Variants in NIPAL2 observed in about 807,000 individuals in gnomAD.
NIPAL2 encodes the protein NIPA-like protein 2.
In NIPAL2, 43 loss-of-function variants were observed where a neutral mutation model predicts 48.9. The observed-to-expected ratio is 0.88, with a 90% CI of 0.69 to 1.13. NIPAL2 has a LOEUF of 1.13. NIPAL2 is among the 50% of genes most tolerant of loss of function. The pLI, the probability that NIPAL2 is intolerant of heterozygous loss-of-function variation, is 0.00. For synonymous variants in NIPAL2, 167 were observed against 174.6 expected (o/e 0.96, Z 0.34); for missense variants, 446 against 461.4 (o/e 0.97, Z 0.31).
At chr8:98,234,158 G>A (rs1332478635) in intron 4 of NIPAL2, among the ~76,000 whole-genome samples, 1 of 152,202 alleles carries the variant, frequency 6.6e-6, no homozygotes, top group African/African-American at 2.4e-5. Flanking sequence ...CCCCTACAAT[G>A]AAGAATGATC....
intron 1 of NIPAL2, among the ~76,000 whole-genome samples, chr8:98,262,499 C>G (rs1176022397): frequency 6.6e-6 from 1 of 151,934 alleles, no homozygotes; most frequent in African/African-American, 2.4e-5. Flanking sequence ...ATAAAACAGA[C>G]ATTAAACCAA....
intron 5 of NIPAL2, 58 bp from the exon 6 acceptor site, chr8:98,212,559 C>A: frequency 1.2e-6 from 1 of 853,844 alleles, no homozygotes; most frequent in Non-Finnish European, 1.9e-6. Flanking sequence ...TTCAAAATGT[C>A]ACACTTCTCA....
At chr8:98,194,223 G>A (rs1288777292) in intron 10 of NIPAL2, among the ~76,000 whole-genome samples, 1 of 152,202 alleles carries the variant, frequency 6.6e-6, no homozygotes. Flanking sequence ...TTCTCAGTGA[G>A]AGTGAGAACG....
At chr8:98,237,479 T>C (rs974602309) in intron 3 of NIPAL2, among the ~76,000 whole-genome samples, 5 of 151,910 alleles carry the variant, frequency 3.3e-5, no homozygotes, top group African/African-American at 1.2e-4. Flanking sequence ...TTCCCCCTTT[T>C]CCCCTTTCCC....
intron 6 of NIPAL2, among the ~76,000 whole-genome samples, chr8:98,211,851 A>G (rs1811339028): frequency 6.6e-6 from 1 of 151,656 alleles, no homozygotes; most frequent in Non-Finnish European, 1.5e-5. Context: ...AAGGGAGGGA[A>G]GATACATTAA....
At chr8:98,286,246 A>G (rs1486304974) in intron 1 of NIPAL2, among the ~76,000 whole-genome samples, 1 of 152,134 alleles carries the variant, frequency 6.6e-6, no homozygotes, top group Non-Finnish European at 1.5e-5. Flanking sequence ...TTGTTTATCA[A>G]TTACCCAGTC....
At position 98,240,619 on chromosome 8, in the gene NIPAL2, C is replaced by T. The variant is rs139173963; in HGVS notation, c.377-4405G>A. On this transcript the variant is annotated intron_variant, in intron 3 of 10. Transcript: ENST00000430223. ...TTTGCAAAAGGGGGTCTAATCTGAG[C>T]TGAGCTGTCTTCAACTCATCCTTAC... Among the ~76,000 whole-genome samples, 490 of 152,292 alleles carry T rather than the reference C, an allele frequency of 3.2e-3. 1 individual carries two copies. The highest frequency in any genetic ancestry group is 0.011 in the African/African-American group (444 of 41,564).
chr8:98,239,690 CA>C (rs1563513653), intron 3 of NIPAL2, among the ~76,000 whole-genome samples: 1 of 151,648 alleles, frequency 6.6e-6, no homozygotes, highest in Non-Finnish European at 1.5e-5. Context: ...AGATTTTCTA[CA>C]AAATTTTTAG....
chr8:98,252,396 G>A (rs528319450), intron 3 of NIPAL2, 67 bp downstream of exon 3: 3 of 1,408,382 alleles, frequency 2.1e-6, no homozygotes, highest in Admixed American at 2.4e-5. Flanking sequence ...TGTTGTTTCA[G>A]TTGTGTGTTT....
At position 98,242,070 on chromosome 8, in the gene NIPAL2, A is replaced by T. The variant is rs116777954; in HGVS notation, c.377-5856T>A. On this transcript the variant is annotated intron_variant, in intron 3 of 10. Coordinates refer to ENST00000430223, the MANE Select transcript of NIPAL2 (RefSeq NM_001321635.2). ...GTAATGTACCATTGATAATATACCA[A>T]TTTATCAAATTTCCTTTAGACAGGA... Among the ~76,000 whole-genome samples the T allele has an allele frequency of 3.7e-3, 562 of 152,376 alleles. 5 individuals carry two copies. The highest frequency in any genetic ancestry group is 0.013 in the African/African-American group (532 of 41,588).
intron 3 of NIPAL2, among the ~76,000 whole-genome samples, chr8:98,246,227 C>T (rs575583365): frequency 5.1e-4 from 77 of 152,266 alleles, no homozygotes; most frequent in Admixed American, 5.9e-4. Context: ...CTGCTATGAC[C>T]GTCGTCTAAT....
chr8:98,254,096 GA>G lies in NIPAL2; in HGVS notation c.136-10del. On this transcript the variant is annotated splice_polypyrimidine_tract_variant and intron_variant, in intron 1 of 10. Coordinates refer to ENST00000430223, the MANE Select transcript of NIPAL2 (RefSeq NM_001321635.2). The stretch of plus-strand genomic sequence containing the variant: ...ACTCCAAAAAGGTGAATCTGTAAAA[GA>G]AAATGTTTTCCTTAAATAATACTTG... The G allele has an allele frequency of 6.2e-7, 1 of 1,603,874 alleles. No homozygotes were observed. The highest frequency in any genetic ancestry group is 8.5e-7 in the Non-Finnish European group (1 of 1,173,242).
At chr8:98,242,493 T>TTG (rs1446180580) in intron 3 of NIPAL2, among the ~76,000 whole-genome samples, 2 of 142,808 alleles carry the variant, frequency 1.4e-5, no homozygotes, top group East Asian at 2.0e-4. Context: ...GACAGATTTT[T>TTG]TTTTTTTTTT....
Position 98,294,033 on chromosome 8 carries a change from G to C in NIPAL2, c.105C>G (p.Ser35=). The C allele has an allele frequency of 6.7e-7, 1 of 1,497,646 alleles. No homozygotes were observed. Among genetic ancestry groups the C allele is most frequent in the Non-Finnish European group, 8.9e-7 (1 of 1,123,402 alleles). 92.8% of individuals were successfully genotyped at this position (1,497,646 alleles called of 1,614,324 possible). A position where few individuals can be genotyped will look rare whatever the true frequency, so the allele number is the denominator to read the frequency against. The change falls in exon 1 of 11, where the codon TCC becomes TCG. Residue 35 remains serine (S), a synonymous_variant. Transcript: ENST00000430223. ...TCCTGCGGTACCAGTCGCCCGAGAGGGAGCCGTTGCCGGCGCCTGGTGCCC... is the reference window on the plus strand; with the variant it reads ...TCCTGCGGTACCAGTCGCCCGAGAGCGAGCCGTTGCCGGCGCCTGGTGCCC... The part of the protein sequence containing the change: ...TYGAPGAGNG[S]LSGDWYRRNQ...
chr8:98,275,496 T>TGTGTA (rs1815408146), intron 1 of NIPAL2, among the ~76,000 whole-genome samples: 2 of 152,330 alleles, frequency 1.3e-5, no homozygotes, highest in Non-Finnish European at 2.9e-5. Context: ...GTTTAATTAT[T>TGTGTA]CACTCATTGA....
chr8:98,249,102 G>A lies in NIPAL2; in HGVS notation c.376+3361C>T, dbSNP rs138978499. On this transcript the variant is annotated intron_variant, in intron 3 of 10. Transcript: ENST00000430223. ...TCTCAGATGTGTTCAGTATGTTTTG[G>A]AGACCTGGCGTACTGCATCTGCCCC... Among the ~76,000 whole-genome samples, 1,289 of 152,260 alleles carry A rather than the reference G, an allele frequency of 8.5e-3. 9 individuals are homozygous for A. The highest frequency in any genetic ancestry group is 0.014 in the Non-Finnish European group (949 of 68,004).
At chr8:98,278,094 G>A (rs1815587964) in intron 1 of NIPAL2, among the ~76,000 whole-genome samples, 1 of 152,128 alleles carries the variant, frequency 6.6e-6, no homozygotes, top group South Asian at 2.1e-4. Context: ...GCACTTTGAT[G>A]TTATTATTCT....
intron 1 of NIPAL2, among the ~76,000 whole-genome samples, chr8:98,261,886 G>A (rs1379156713): frequency 0.1 from 9,396 of 90,014 alleles, 620 homozygotes; most frequent in Admixed American, 0.17. Context: ...GAGAAAGGTC[G>A]GGTTACCCTC....
At chr8:98,250,470 C>CA (rs1446345113) in intron 3 of NIPAL2, among the ~76,000 whole-genome samples, 1 of 152,154 alleles carries the variant, frequency 6.6e-6, no homozygotes, top group East Asian at 1.9e-4. Flanking sequence ...CAAAGCTTTA[C>CA]AATGACTTAA....
Sources: gnomAD v4.1 joint callset for allele counts (sites outside exome capture counted in the v4.1 genomes callset) on GRCh38, gnomAD v4.1.1 for gene constraint, MANE v1.5 for transcripts, NCBI Gene and HGNC (gene_info 2026-07-23, HGNC 2026-07-21) for gene names.